PYGM: variants seen among roughly 807,000 people sequenced by gnomAD.
PYGM encodes glycogen phosphorylase, muscle form.
PYGM carries 81 observed loss-of-function variants against 99.3 expected under a neutral mutation model. The ratio of observed to expected loss-of-function variants is 0.82; its 90% CI spans 0.68 to 0.98. The LOEUF (loss-of-function observed/expected upper bound fraction) is 0.98. Among genes scored for constraint, PYGM ranks in the 50% least tolerant of loss-of-function variants. The probability of loss-of-function intolerance (pLI) is 0.00; values close to 1 mark genes in which losing one functional copy is unlikely to be tolerated. For synonymous variants in PYGM, 436 were observed against 451.5 expected, an observed-to-expected ratio of 0.97 and a Z score of 0.44; for missense variants, 1,030 against 1,158.1, an observed-to-expected ratio of 0.89 and a Z score of 1.61.
chr11:64,757,321 G>T (rs552903267), intron 5 of PYGM, among the ~76,000 whole-genome samples: 80 of 152,276 alleles, frequency 5.3e-4, no homozygotes, highest in African/African-American at 1.7e-3. Context: ...GCCTTCTAAA[G>T]TGCTGGGATT....
In PYGM at chr11:64,754,383, A is replaced by T. The variant is rs777066123; in HGVS notation, c.1000-38T>A. 6.6e-7 allele frequency: 1 copy of T among 1,504,668 alleles called. No homozygotes were observed. The highest frequency in any genetic ancestry group is 1.1e-5 in the South Asian group (1 of 88,766). The allele number at this position is 1,504,668 out of a possible 1,614,324, so 93.2% of individuals were successfully genotyped here. ...GAGGGGTCAGTCTGGGCTCCAAACC[A>T]CATTCCATGCTATGGTCACTGCCCT... is the stretch of plus-strand genomic sequence containing the variant. On this transcript the variant is annotated intron_variant, in intron 8 of 19. Coordinates refer to ENST00000164139, the MANE Select transcript of PYGM (RefSeq NM_005609.4). This position sits in a 1 kb window ranked among gnomAD's most constrained non-coding sequence, Gnocchi z 5.5.
Position 64,759,943 on chromosome 11 carries a change from G to C in PYGM, c.-45C>G, listed in dbSNP as rs763493046. Reference sequence around the variant, plus strand: ...GGACTGGACTGATGGTAGAGGGGACGGCGGCCTCAGCACTGCCTCCAGCCA... The same window carrying C: ...GGACTGGACTGATGGTAGAGGGGACCGCGGCCTCAGCACTGCCTCCAGCCA... On this transcript the variant is annotated 5_prime_UTR_variant, in exon 1 of 20. Coordinates refer to ENST00000164139, the MANE Select transcript of PYGM (RefSeq NM_005609.4). 2 of 1,607,294 alleles carry C rather than the reference G, an allele frequency of 1.2e-6. No homozygotes were observed. Among genetic ancestry groups the C allele is most frequent in the Non-Finnish European group, 1.7e-6 (2 of 1,176,184 alleles).
intron 16 of PYGM, 107 bp from the exon 17 acceptor site, chr11:64,750,690 C>T (rs1405777952): frequency 9.8e-7 from 1 of 1,025,458 alleles, no homozygotes; most frequent in African/African-American, 1.6e-5. Context: ...CAGAGTCGCC[C>T]CACCCCAAAC....
At chr11:64,753,428 G>T (rs551237479) in intron 11 of PYGM, 91 bp downstream of exon 11, 67 of 1,471,980 alleles carry the variant, frequency 4.6e-5, no homozygotes, top group Non-Finnish European at 5.8e-5. Flanking sequence ...AGAGACCAGA[G>T]AGTGGTCGGT....
At chr11:64,751,257 C>G (rs559097797) in intron 16 of PYGM, 68 bp downstream of exon 16, 5 of 1,591,706 alleles carry the variant, frequency 3.1e-6, no homozygotes, top group African/African-American at 2.7e-5. Flanking sequence ...CAGGAAGAGA[C>G]GACTGATACC....
intron 13 of PYGM, 79 bp downstream of exon 13, chr11:64,752,324 T>G: frequency 6.5e-7 from 1 of 1,531,754 alleles, no homozygotes; most frequent in Non-Finnish European, 9.0e-7. Flanking sequence ...GAGCTCTATT[T>G]GCCACGCCTG....
At chr11:64,752,623 T>C (rs1592410174) in intron 12 of PYGM, 119 bp from the exon 13 acceptor site, 1 of 1,000,528 alleles carries the variant, frequency 1.0e-6, no homozygotes. Flanking sequence ...CTGGGGGCCC[T>C]CCCAGCCCCT....
chr11:64,750,713 C>T, intron 16 of PYGM, 130 bp from the exon 17 acceptor site: 1 of 807,100 alleles, frequency 1.2e-6, no homozygotes, highest in Non-Finnish European at 2.0e-6. Flanking sequence ...CCAGTCTTCA[C>T]CAGCCAAGCC....
rs372851103 is a variant in PYGM, at chr11:64,753,650, G to C, written c.1272C>G (p.Asp424Glu). 6.2e-7 allele frequency: 1 copy of C among 1,608,826 alleles called. No individual in the cohort carries two copies. Among genetic ancestry groups the C allele is most frequent in the Non-Finnish European group, 8.5e-7 (1 of 1,179,356 alleles). Reference protein sequence around the residue: ...RVAAAFPGDVDRLRRMSLVEE... With the variant: ...RVAAAFPGDVERLRRMSLVEE... ...CCACCAGCGACATGCGCCGCAGCCG[G>C]TCTACGTCCCCTGGGAATGCGGCCG... The change falls in exon 11 of 20, where the codon GAC becomes GAG. Residue 424 changes from aspartate (D) to glutamate (E), a missense_variant. Physicochemically the swap from Asp to Glu is conservative, Grantham distance 45 (BLOSUM62 2). Coordinates refer to ENST00000164139, the MANE Select transcript of PYGM (RefSeq NM_005609.4).
Position 64,754,304 on chromosome 11 carries a change from G to T in PYGM, c.1041C>A (p.Ile347=). 1 of 1,613,808 alleles carries T rather than the reference G, an allele frequency of 6.2e-7. No individual in the cohort carries two copies. The highest frequency in any genetic ancestry group is 8.5e-7 in the Non-Finnish European group (1 of 1,179,952). ...QLNDTHPSLA[I]PELMRILVDL... Reference sequence around the variant, plus strand: ...CCACCAGGATCCTCATCAGCTCGGGGATGGCCAGGGAGGGGTGGGTGTCAT... The same window carrying T: ...CCACCAGGATCCTCATCAGCTCGGGTATGGCCAGGGAGGGGTGGGTGTCAT... The change falls in exon 9 of 20, where the codon ATC becomes ATA. Residue 347 remains isoleucine, a synonymous_variant. Transcript: ENST00000164139. The surrounding 1 kb of genome is among the most constrained non-coding windows in gnomAD (Gnocchi z 5.5).
In PYGM at chr11:64,759,750, C is replaced by T. The variant is rs758175735; in HGVS notation, c.149G>A (p.Arg50Gln). 2.7e-5 allele frequency: 44 copies of T among 1,614,104 alleles called. No individual in the cohort carries two copies. Among genetic ancestry groups the T allele is most frequent in the East Asian group, 4.5e-5 (2 of 44,892 alleles). ...ATGGGCCAGAGCAAAGTAGTAGTCT[C>T]GTGGGGTGGCCACATTGCGGTCCTT... ...LVKDRNVATP[R>Q]DYYFALAHTV... The change falls in exon 1 of 20, where the codon CGA (arginine) becomes CAA (glutamine). Residue 50 changes from arginine (R) to glutamine (Q), a missense_variant. Coordinates refer to ENST00000164139, the MANE Select transcript of PYGM (RefSeq NM_005609.4).
rs938250313 is a variant in PYGM at position 64,759,749 on chromosome 11, T to C, written c.150A>G (p.Arg50=). 3 of 1,614,104 alleles carry C rather than the reference T, an allele frequency of 1.9e-6. No homozygotes were observed. In the African/African-American group the frequency reaches 4.0e-5, roughly 22 times the overall value. The change falls in exon 1 of 20, where the codon CGA becomes CGG. Residue 50 remains arginine (R), a synonymous_variant. Transcript: ENST00000164139. ...TATGGGCCAGAGCAAAGTAGTAGTC[T>C]CGTGGGGTGGCCACATTGCGGTCCT... ...LVKDRNVATP[R]DYYFALAHTV...
At chr11:64,759,994 G>C (rs2058424285), upstream of PYGM, 3 of 1,552,322 alleles carry the variant, frequency 1.9e-6, no homozygotes, top group African/African-American at 2.7e-5. Flanking sequence ...CAGCCTCAAG[G>C]GGATTTAAAG....
Position 64,752,010 on chromosome 11 carries a change from T to C in PYGM, c.1682A>G (p.Asn561Ser). ...CTTCACCTGGATGTCGAAGAGTGAG[T>C]TGGGGTTGATGTGGACTTTGTATTC... ...EREYKVHINP[N>S]SLFDIQVKRI... The change falls in exon 14 of 20, where the codon AAC (asparagine) becomes AGC (serine). Residue 561 changes from asparagine to serine, a missense_variant. Coordinates refer to ENST00000164139, the MANE Select transcript of PYGM (RefSeq NM_005609.4). 6.2e-7 allele frequency: 1 copy of C among 1,613,998 alleles called. No homozygotes were observed. Among genetic ancestry groups the C allele is most frequent in the Non-Finnish European group, 8.5e-7 (1 of 1,179,984 alleles).
rs1434873172 is a variant in PYGM at position 64,759,820 on chromosome 11, C to T, written c.79G>A (p.Glu27Lys). The change falls in exon 1 of 20, where the codon GAG (glutamate) becomes AAG (lysine). Residue 27 changes from glutamate to lysine, a missense_variant. Coordinates refer to ENST00000164139, the MANE Select transcript of PYGM (RefSeq NM_005609.4). ...TGCCGGTTGAAGTTCTTTTTCAGCTCAGTCACGTTCTCCACGCCGGCCAGG... is the reference window on the plus strand; with the variant it reads ...TGCCGGTTGAAGTTCTTTTTCAGCTTAGTCACGTTCTCCACGCCGGCCAGG... ...RGLAGVENVT[E>K]LKKNFNRHLH... 6.2e-7 allele frequency: 1 copy of T among 1,614,158 alleles called. No homozygotes were observed. Among genetic ancestry groups the T allele is most frequent in the East Asian group, 2.2e-5 (1 of 44,866 alleles).
Position 64,746,509 on chromosome 11 carries a change from G to T in PYGM, c.*150C>A. ...GGGGCCCGTGTCCTTAGTCACGCTGGACACTGGGACATTGAGAGTGGGGAA... is the reference window on the plus strand; with the variant it reads ...GGGGCCCGTGTCCTTAGTCACGCTGTACACTGGGACATTGAGAGTGGGGAA... On this transcript the variant is annotated 3_prime_UTR_variant, in exon 20 of 20. Transcript: ENST00000164139. 1 of 1,132,676 alleles carries T rather than the reference G, an allele frequency of 8.8e-7. No individual in the cohort carries two copies. Among genetic ancestry groups the T allele is most frequent in the Non-Finnish European group, 1.3e-6 (1 of 779,922 alleles). 70.2% of individuals were successfully genotyped at this position (1,132,676 alleles called of 1,614,324 possible). A position where few individuals can be genotyped will look rare whatever the true frequency, so the allele number is the denominator to read the frequency against.
At position 64,747,545 on chromosome 11, in the gene PYGM, C is replaced by G. The variant is rs747820348; in HGVS notation, c.2178-187G>C. 86 of 684,620 alleles carry G rather than the reference C, an allele frequency of 1.3e-4. 1 individual carries two copies. The highest frequency in any genetic ancestry group is 1.9e-4 in the Non-Finnish European group (77 of 403,310). The allele number at this position is 684,620 out of a possible 1,614,324, so 42.4% of individuals were successfully genotyped here. On this transcript the variant is annotated intron_variant, in intron 17 of 19. Transcript: ENST00000164139. Reference sequence around the variant, plus strand: ...TTCTCTGCTCAGCTTTTCATCCCTCCTTTGTGAATGAAGAAACTGAGGCCC... The same window carrying G: ...TTCTCTGCTCAGCTTTTCATCCCTCGTTTGTGAATGAAGAAACTGAGGCCC...
Position 64,750,415 on chromosome 11 carries a change from C to G in PYGM, c.2138G>C (p.Gly713Ala), listed in dbSNP as rs754283023. The stretch of plus-strand genomic sequence containing the variant: ...CTTATCCACATCCTCCACCCGCATG[C>G]CAAAGATGAAGAAGTTTTCCTCTCC... ...EAGEENFFIF[G>A]MRVEDVDKLD... The change falls in exon 17 of 20, where the codon GGC (glycine) becomes GCC (alanine). Residue 713 changes from glycine (G) to alanine (A), a missense_variant. Physicochemically the swap from Gly to Ala is moderately conservative, Grantham distance 60. Coordinates refer to ENST00000164139, the MANE Select transcript of PYGM (RefSeq NM_005609.4). The G allele has an allele frequency of 6.2e-7, 1 of 1,614,172 alleles. No homozygotes were observed. Among genetic ancestry groups the G allele is most frequent in the South Asian group, 1.1e-5 (1 of 91,080 alleles).
intron 11 of PYGM, 38 bp from the exon 12 acceptor site, chr11:64,753,225 C>T (rs2058368725): frequency 6.5e-7 from 1 of 1,548,842 alleles, no homozygotes. Flanking sequence ...CCACTCACCC[C>T]TGTACAATGA....
Sources: allele counts gnomAD v4.1 joint callset (sites outside exome capture counted in the v4.1 genomes callset), GRCh38; gene constraint gnomAD v4.1.1; non-coding constraint Gnocchi (gnomAD v3.1); transcripts MANE v1.5; gene names NCBI Gene and HGNC (gene_info 2026-07-23, HGNC 2026-07-21).